The following COG4 variants were observed in gnomAD, a reference collection of about 807,000 sequenced individuals.
COG4 encodes the protein component of oligomeric golgi complex 4, also known as conserved oligomeric Golgi complex subunit 4.
Under a neutral mutation model 95.1 loss-of-function variants are expected in COG4, and 65 were observed. The observed-to-expected ratio is 0.68, with a 90% CI of 0.56 to 0.84. The LOEUF (loss-of-function observed/expected upper bound fraction) is 0.84. Ranked by LOEUF, COG4 falls within the 40% of genes least tolerant of loss-of-function variation. COG4 has a pLI of 0.00. For synonymous variants in COG4, 421 were observed against 374.8 expected, an observed-to-expected ratio of 1.12 and a Z score of -1.42; for missense variants, 1,045 against 989.1, an observed-to-expected ratio of 1.06 and a Z score of -0.76.
chr16:70,506,613 A>AAAAAAAAAAAAAAAAAAAAAAT, intron 8 of COG4, among the ~76,000 whole-genome samples: 1 of 60,730 alleles, frequency 1.6e-5, no homozygotes, highest in Admixed American at 2.3e-4. Flanking sequence ...AAAAAAAAAA[A>AAAAAAAAAAAAAAAAAAAAAAT]AAAACAAAAA....
chr16:70,497,852 A>G, intron 10 of COG4, 85 bp downstream of exon 10: 1 of 842,088 alleles, frequency 1.2e-6, no homozygotes, highest in Non-Finnish European at 2.1e-6. Context: ...CAGGACCAAT[A>G]AATATGACAT....
intron 1 of COG4, among the ~76,000 whole-genome samples, chr16:70,521,252 T>A (rs1238520048): frequency 6.6e-6 from 1 of 151,956 alleles, no homozygotes; most frequent in Non-Finnish European, 1.5e-5. Flanking sequence ...AGTTTCGCTC[T>A]TTCACCCAGG....
At chr16:70,498,968 A>G (rs542487026) in intron 9 of COG4, among the ~76,000 whole-genome samples, 1 of 152,302 alleles carries the variant, frequency 6.6e-6, no homozygotes, top group African/African-American at 2.4e-5. Context: ...TAATCCCAGC[A>G]CTTTGGGAGG....
chr16:70,510,171 C>T lies in COG4; in HGVS notation c.739-150G>A, dbSNP rs2049670530. 10 of 698,084 alleles carry T rather than the reference C, an allele frequency of 1.4e-5. No homozygotes were observed. In the South Asian group the frequency reaches 1.5e-4, roughly 11 times the overall value. The allele number at this position is 698,084 out of a possible 1,614,324, so 43.2% of individuals were successfully genotyped here. A position where few individuals can be genotyped will look rare whatever the true frequency, so the allele number is the denominator to read the frequency against. On this transcript the variant is annotated intron_variant, in intron 5 of 18. Coordinates refer to ENST00000323786, the MANE Select transcript of COG4 (RefSeq NM_015386.3). ...GCCCAGGCAGCACAGAGGAAACTCC[C>T]TTGAGGGACAGTCTGAGCCTCAGGC...
chr16:70,511,789 G>A lies in COG4; in HGVS notation c.738+450C>T, dbSNP rs151011851. Among the ~76,000 whole-genome samples the A allele has an allele frequency of 3.3e-5, 5 of 151,996 alleles. No individual in the cohort carries two copies. In the East Asian group the frequency reaches 9.7e-4, roughly 29 times the overall value. On this transcript the variant is annotated intron_variant, in intron 5 of 18. Coordinates refer to ENST00000323786, the MANE Select transcript of COG4 (RefSeq NM_015386.3). ...CTCTACTAAAAATACAAAATTAGCT[G>A]GGCGTGGTAGCATATGCCTGTAATC...
chr16:70,522,300 C>T (rs1286382991), intron 1 of COG4, among the ~76,000 whole-genome samples: 2 of 152,146 alleles, frequency 1.3e-5, no homozygotes, highest in African/African-American at 2.4e-5. Context: ...CCGCAAGATA[C>T]TAAATTTTAA....
intron 6 of COG4, 142 bp downstream of exon 6, chr16:70,509,774 T>C (rs1226707930): frequency 1.4e-6 from 1 of 718,688 alleles, no homozygotes; most frequent in East Asian, 2.7e-5. Context: ...AATCTGGAAG[T>C]TATTTAATTC....
intron 13 of COG4, among the ~76,000 whole-genome samples, chr16:70,489,390 T>C (rs2049198527): frequency 6.6e-6 from 1 of 151,896 alleles, no homozygotes; most frequent in African/African-American, 2.4e-5. Flanking sequence ...GCTCATTTTT[T>C]GTATTTTTAG....
In COG4 at chr16:70,482,118, G is replaced by A. The variant is rs1371778296; in HGVS notation, c.1978C>T (p.Leu660=). Residue 660 remains leucine (L), a synonymous_variant, in exon 16 of 19, where the codon CTG becomes TTG. Coordinates refer to ENST00000323786, the MANE Select transcript of COG4 (RefSeq NM_015386.3). ...DPWVQQFILN[L]EQQMAEFKAS... is the part of the protein sequence containing the mutation. ...TTGAACTCTGCCATTTGCTGCTCCA[G>A]GTTAAGGATGAACTGTTGTACCCAA... is the stretch of plus-strand genomic sequence containing the variant. 2 of 1,613,996 alleles carry A rather than the reference G, an allele frequency of 1.2e-6. No individual in the cohort carries two copies. Among genetic ancestry groups the A allele is most frequent in the Admixed American group, 3.3e-5 (2 of 60,002 alleles).
chr16:70,508,007 G>T (rs1031782451), intron 8 of COG4, among the ~76,000 whole-genome samples: 1 of 151,724 alleles, frequency 6.6e-6, no homozygotes, highest in South Asian at 2.1e-4. Flanking sequence ...TGCAACCTCC[G>T]CCTCCTGGGT....
intron 4 of COG4, among the ~76,000 whole-genome samples, chr16:70,513,515 C>A (rs555751344): frequency 2.6e-5 from 4 of 152,276 alleles, no homozygotes; most frequent in South Asian, 4.1e-4. Context: ...TTCTCCCATA[C>A]ATACATACCT....
intron 3 of COG4, among the ~76,000 whole-genome samples, chr16:70,514,957 G>A (rs1270477951): frequency 6.6e-6 from 1 of 150,658 alleles, no homozygotes; most frequent in Admixed American, 6.6e-5. Context: ...CAAGCTATCC[G>A]CCTGCCTTGG....
At chr16:70,521,483 A>C (rs1403255023) in intron 1 of COG4, among the ~76,000 whole-genome samples, 2 of 151,972 alleles carry the variant, frequency 1.3e-5, no homozygotes, top group African/African-American at 4.8e-5. Context: ...CGGCCTCCCA[A>C]ACTGCTGGTA....
At chr16:70,511,056 CGCCTG>C (rs1159469401) in intron 5 of COG4, among the ~76,000 whole-genome samples, 3 of 152,150 alleles carry the variant, frequency 2.0e-5, no homozygotes, top group African/African-American at 7.2e-5. Flanking sequence ...TGAGTCACCG[CGCCTG>C]GCCTGTATTT....
At chr16:70,503,039 A>T (rs2049486298) in intron 8 of COG4, among the ~76,000 whole-genome samples, 2 of 152,108 alleles carry the variant, frequency 1.3e-5, no homozygotes, top group African/African-American at 4.8e-5. Flanking sequence ...GAAGTCCAAG[A>T]GGTCTTTTCT....
rs1475038933 is a variant in COG4 at position 70,480,863 on chromosome 16, C to T, written c.*147G>A. 2.1e-6 allele frequency: 2 copies of T among 944,200 alleles called. No individual in the cohort carries two copies. Among genetic ancestry groups the T allele is most frequent in the African/African-American group, 3.2e-5 (2 of 62,166 alleles). 58.5% of individuals were successfully genotyped at this position (944,200 alleles called of 1,614,324 possible). On this transcript the variant is annotated 3_prime_UTR_variant, in exon 19 of 19. Coordinates refer to ENST00000323786, the MANE Select transcript of COG4 (RefSeq NM_015386.3). ...CTGAGGGCAGAGCATGGAGTGGGTCCAGACTTTGTTTCTCTGCTGCCAGCC... is the reference window on the plus strand; with the variant it reads ...CTGAGGGCAGAGCATGGAGTGGGTCTAGACTTTGTTTCTCTGCTGCCAGCC...
intron 8 of COG4, among the ~76,000 whole-genome samples, chr16:70,502,004 C>T (rs1308019878): frequency 6.6e-6 from 1 of 151,956 alleles, no homozygotes; most frequent in African/African-American, 2.4e-5. Context: ...TTACCTATGA[C>T]CAGGCATGGT....
intron 8 of COG4, among the ~76,000 whole-genome samples, chr16:70,504,444 T>C (rs2049517068): frequency 6.6e-6 from 1 of 151,610 alleles, no homozygotes; most frequent in Non-Finnish European, 1.5e-5. Context: ...CCCTCTCCAC[T>C]AAAAATATAA....
In COG4 at chr16:70,485,077, A is replaced by T. The variant is rs554912504; in HGVS notation, c.1711-1108T>A. On this transcript the variant is annotated intron_variant, in intron 13 of 18. Coordinates refer to ENST00000323786, the MANE Select transcript of COG4 (RefSeq NM_015386.3). Reference sequence around the variant, plus strand: ...ATAATTTATTCAAAGCCATGGCAATAAGTCAGGAAAGGCTGAGCATGGTGG... The same window carrying T: ...ATAATTTATTCAAAGCCATGGCAATTAGTCAGGAAAGGCTGAGCATGGTGG... Among the ~76,000 whole-genome samples the T allele has an allele frequency of 2.6e-5, 4 of 152,240 alleles. No individual in the cohort carries two copies. The East Asian group carries it at 7.7e-4, about 29-fold the overall frequency.
Sources: allele counts gnomAD v4.1 joint callset (sites outside exome capture counted in the v4.1 genomes callset), GRCh38; gene constraint gnomAD v4.1.1; transcripts MANE v1.5; gene names NCBI Gene and HGNC (gene_info 2026-07-23, HGNC 2026-07-21).